The following PLPP3 variants were observed in gnomAD, a reference collection of about 807,000 sequenced individuals.
PLPP3 encodes phospholipid phosphatase 3.
PLPP3 carries 6 observed loss-of-function variants against 29.6 expected under a neutral mutation model. The observed-to-expected ratio is 0.20, with a 90% CI of 0.11 to 0.40. PLPP3 has a LOEUF of 0.40. PLPP3 is among the 10% of genes least tolerant of loss of function. PLPP3 has a pLI of 1.00. For missense variants in PLPP3, 308 were observed against 407.7 expected (o/e 0.76, Z 2.11); for synonymous variants, 152 against 159.7 (o/e 0.95, Z 0.36).
chr1:56,510,240 A>G (rs1038896469), intron 5 of PLPP3, among the ~76,000 whole-genome samples: 3 of 152,180 alleles, frequency 2.0e-5, no homozygotes, highest in African/African-American at 7.2e-5. Context: ...TTCAGTGCAA[A>G]CACCCATCCC....
chr1:56,542,357 C>A (rs1645976603), intron 1 of PLPP3, among the ~76,000 whole-genome samples: 1 of 152,150 alleles, frequency 6.6e-6, no homozygotes, highest in Non-Finnish European at 1.5e-5. Context: ...CCACAGTTCA[C>A]CTTTGCACAA....
chr1:56,564,547 C>A lies in PLPP3; in HGVS notation c.139+14331G>T, dbSNP rs192804022. Reference sequence around the variant, plus strand: ...CCTTGGATTTCACAGCTAGGGCAAGCACAGCTGCAACAACAAATTTATGGC... The same window carrying A: ...CCTTGGATTTCACAGCTAGGGCAAGAACAGCTGCAACAACAAATTTATGGC... On this transcript the variant is annotated intron_variant, in intron 1 of 5. Transcript: ENST00000371250. Among the ~76,000 whole-genome samples, 62 of 152,300 alleles carry A rather than the reference C, an allele frequency of 4.1e-4. 1 individual carries two copies. The highest frequency in any genetic ancestry group is 2.2e-3 in the Admixed American group (34 of 15,306).
At chr1:56,555,448 A>AAC (rs1553139174) in intron 1 of PLPP3, among the ~76,000 whole-genome samples, 23 of 147,110 alleles carry the variant, frequency 1.6e-4, no homozygotes, top group South Asian at 2.1e-4. Flanking sequence ...AAAAAAAAAA[A>AAC]AAAAAAAAAA....
chr1:56,578,961 C>T lies in PLPP3; in HGVS notation c.56G>A (p.Ser19Asn). The T allele has an allele frequency of 6.2e-7, 1 of 1,602,938 alleles. No homozygotes were observed. Among genetic ancestry groups the T allele is most frequent in the Middle Eastern group, 1.7e-4 (1 of 6,020 alleles). ...AIVPESKNGG[S>N]PALNNNPRRS... ...CCTCGGGTTGTTGTTGAGCGCCGGGCTGCCGCCGTTCTTGCTCTCCGGGAC... is the reference window on the plus strand; with the variant it reads ...CCTCGGGTTGTTGTTGAGCGCCGGGTTGCCGCCGTTCTTGCTCTCCGGGAC... Residue 19 changes from serine (S) to asparagine (N), a missense_variant, in exon 1 of 6, where the codon AGC becomes AAC. This residue lies in a region of PLPP3 where 67 missense variants were observed against 61.3 expected (regional missense o/e 1.09). Coordinates refer to ENST00000371250, the MANE Select transcript of PLPP3 (RefSeq NM_003713.5).
chr1:56,555,968 T>G (rs966292375), intron 1 of PLPP3, among the ~76,000 whole-genome samples: 2 of 152,202 alleles, frequency 1.3e-5, no homozygotes, highest in Non-Finnish European at 1.5e-5. Flanking sequence ...GAAGACATTT[T>G]TTTTCCCCCT....
At chr1:56,547,993 C>T (rs561908109) in intron 1 of PLPP3, among the ~76,000 whole-genome samples, 1 of 152,350 alleles carries the variant, frequency 6.6e-6, no homozygotes, top group Admixed American at 6.5e-5. Flanking sequence ...GATTAGTTCT[C>T]TTCCTTCCCA....
chr1:56,555,301 G>A lies in PLPP3; in HGVS notation c.140-18189C>T, dbSNP rs142090939. ...TATCTGTCCCCTGCACATGGACACC[G>A]TAAGGACCATGGGCTGGCTGGTTAC... On this transcript the variant is annotated intron_variant, in intron 1 of 5. Transcript: ENST00000371250. 5.7e-4 allele frequency among the ~76,000 whole-genome samples: 86 copies of A among 151,596 alleles called. 2 individuals carry two copies. The highest frequency in any genetic ancestry group is 1.8e-3 in the African/African-American group (74 of 41,314).
At chr1:56,509,884 A>G (rs1317041896) in intron 5 of PLPP3, among the ~76,000 whole-genome samples, 1 of 151,228 alleles carries the variant, frequency 6.6e-6, no homozygotes, top group Non-Finnish European at 1.5e-5. Context: ...TCAGAATGGT[A>G]CCAGCAGAGA....
intron 1 of PLPP3, among the ~76,000 whole-genome samples, chr1:56,561,136 T>C (rs562253517): frequency 5.9e-5 from 9 of 151,946 alleles, no homozygotes; most frequent in East Asian, 3.9e-4. Context: ...CGTGAGCCAC[T>C]GCACCCGGCC....
intron 5 of PLPP3, among the ~76,000 whole-genome samples, chr1:56,501,022 A>G (rs1645664600): frequency 6.6e-6 from 1 of 151,462 alleles, no homozygotes; most frequent in Non-Finnish European, 1.5e-5. Flanking sequence ...AAAAAAAAAA[A>G]AAAAAAAAAA....
At chr1:56,562,789 G>GT (rs1317479187) in intron 1 of PLPP3, among the ~76,000 whole-genome samples, 5 of 152,190 alleles carry the variant, frequency 3.3e-5, no homozygotes, top group African/African-American at 9.7e-5. Flanking sequence ...ACCTGGCCAT[G>GT]TTTTTTCCAT....
chr1:56,514,771 C>G (rs960763865), intron 4 of PLPP3, among the ~76,000 whole-genome samples: 1 of 152,090 alleles, frequency 6.6e-6, no homozygotes, highest in Non-Finnish European at 1.5e-5. Flanking sequence ...TGATTTCATG[C>G]AAAGCACTGA....
chr1:56,547,349 C>G (rs1045617901), intron 1 of PLPP3, among the ~76,000 whole-genome samples: 1 of 152,172 alleles, frequency 6.6e-6, no homozygotes, highest in African/African-American at 2.4e-5. Context: ...ACCTGGCCCC[C>G]TACCAAATAC....
At chr1:56,537,899 A>G (rs1645938958) in intron 1 of PLPP3, among the ~76,000 whole-genome samples, 1 of 152,224 alleles carries the variant, frequency 6.6e-6, no homozygotes, top group Non-Finnish European at 1.5e-5. Flanking sequence ...TGGCCAGCTC[A>G]GATACTATTC....
chr1:56,519,347 A>T (rs1475332345), intron 4 of PLPP3, among the ~76,000 whole-genome samples: 1 of 152,170 alleles, frequency 6.6e-6, no homozygotes, highest in Non-Finnish European at 1.5e-5. Flanking sequence ...AGAGTCCGTA[A>T]TATAACCTAC....
intron 5 of PLPP3, among the ~76,000 whole-genome samples, chr1:56,503,803 C>G (rs1645683973): frequency 6.6e-6 from 1 of 152,186 alleles, no homozygotes; most frequent in Non-Finnish European, 1.5e-5. Flanking sequence ...TATTTTGAGA[C>G]AGAGTCTTGC....
chr1:56,537,757 C>A (rs191503440), intron 1 of PLPP3, among the ~76,000 whole-genome samples: 1 of 152,272 alleles, frequency 6.6e-6, no homozygotes, highest in Non-Finnish European at 1.5e-5. Context: ...CCAGGCTTTT[C>A]TTTCACTGTT....
chr1:56,568,065 T>A (rs1388249686), intron 1 of PLPP3, among the ~76,000 whole-genome samples: 4 of 152,186 alleles, frequency 2.6e-5, no homozygotes, highest in African/African-American at 9.7e-5. Flanking sequence ...ATGATTATAC[T>A]TACATGAAAT....
intron 1 of PLPP3, among the ~76,000 whole-genome samples, chr1:56,560,088 C>T (rs966646641): frequency 6.6e-5 from 10 of 152,174 alleles, no homozygotes; most frequent in Non-Finnish European, 1.3e-4. Flanking sequence ...CCCTTCAACT[C>T]GGCTACCTCT....
Sources: gnomAD v4.1 joint callset for allele counts (sites outside exome capture counted in the v4.1 genomes callset) on GRCh38, gnomAD v4.1.1 for gene constraint, gnomAD v4.1.1 regional missense constraint, MANE v1.5 for transcripts, NCBI Gene and HGNC (gene_info 2026-07-23, HGNC 2026-07-21) for gene names.